The following RYR2 variants were observed in gnomAD, a reference collection of about 807,000 sequenced individuals.
RYR2 encodes cardiac muscle ryanodine receptor-calcium release channel.
RYR2 carries 227 observed loss-of-function variants against 601.1 expected under a neutral mutation model. The ratio of observed to expected loss-of-function variants is 0.38; its 90% CI spans 0.34 to 0.42. RYR2 has a LOEUF of 0.42. Ranked by LOEUF, RYR2 falls within the 10% of genes least tolerant of loss-of-function variation. The pLI is 1.00. For synonymous variants in RYR2, 2,223 were observed against 2,175.1 expected (o/e 1.02, Z -0.61); for missense variants, 4,646 against 6,156.5 (o/e 0.75, Z 8.21).
intron 17 of RYR2, among the ~76,000 whole-genome samples, chr1:237,473,824 A>G (rs1466175863): frequency 6.6e-6 from 1 of 151,460 alleles, no homozygotes; most frequent in African/African-American, 2.4e-5. Context: ...GACTCAACCG[A>G]CGGAGATACT....
intron 19 of RYR2, among the ~76,000 whole-genome samples, chr1:237,495,577 C>T (rs181190452): frequency 1.3e-5 from 2 of 152,258 alleles, no homozygotes; most frequent in East Asian, 1.9e-4. Context: ...ACAGACCTGC[C>T]GTTTATGAGT....
chr1:237,601,195 A>G (rs1265722280), intron 34 of RYR2, among the ~76,000 whole-genome samples: 5 of 152,140 alleles, frequency 3.3e-5, no homozygotes, highest in South Asian at 2.1e-4. Flanking sequence ...GTGCCCATCA[A>G]TGGATTAGTA....
chr1:237,614,615 G>C lies in RYR2; in HGVS notation c.5487G>C (p.Leu1829=). 1.9e-6 allele frequency: 3 copies of C among 1,613,990 alleles called. No individual in the cohort carries two copies. The highest frequency in any genetic ancestry group is 2.5e-6 in the Non-Finnish European group (3 of 1,179,894). The stretch of plus-strand genomic sequence containing the variant: ...TCATCAAGCTTTTCTATACCCTGCT[G>C]ATCATGGGCATCTTTCACAACGAGG... The part of the protein sequence containing the change: ...VPLIKLFYTL[L]IMGIFHNEDL... The change falls in exon 37 of 105, where the codon CTG becomes CTC. Residue 1829 remains leucine, a synonymous_variant. Coordinates refer to ENST00000366574, the MANE Select transcript of RYR2 (RefSeq NM_001035.3). This position sits in a 1 kb window ranked among gnomAD's most constrained non-coding sequence, Gnocchi z 4.3.
At chr1:237,338,819 G>A (rs1038972172) in intron 3 of RYR2, among the ~76,000 whole-genome samples, 8 of 152,162 alleles carry the variant, frequency 5.3e-5, no homozygotes, top group East Asian at 1.9e-4. Flanking sequence ...TTGTGTCCAC[G>A]CTAGTTGAGT....
At chr1:237,109,729 AAAAT>A (rs1485119558) in intron 1 of RYR2, among the ~76,000 whole-genome samples, 1 of 91,888 alleles carries the variant, frequency 1.1e-5, no homozygotes, top group African/African-American at 3.5e-5. Flanking sequence ...CTCAAAAAAA[AAAAT>A]AATAATAATA....
rs150558717 is a variant in RYR2 at position 237,244,411 on chromosome 1, G to A, written c.49-26086G>A. Among the ~76,000 whole-genome samples the A allele has an allele frequency of 1.4e-4, 21 of 152,150 alleles. No homozygotes were observed. In the South Asian group the frequency reaches 1.9e-3, roughly 14 times the overall value. ...CCCCAAATGGCATGTTCAGAATGGC[G>A]GCTCCATCTGCCCTTCTCTCTATCA... On this transcript the variant is annotated intron_variant, in intron 1 of 104. Coordinates refer to ENST00000366574, the MANE Select transcript of RYR2 (RefSeq NM_001035.3).
chr1:237,127,791 G>A (rs1367224424), intron 1 of RYR2, among the ~76,000 whole-genome samples: 2 of 151,952 alleles, frequency 1.3e-5, no homozygotes, highest in African/African-American at 4.8e-5. Flanking sequence ...ACAATGGGCG[G>A]CCGGGCAGAG....
At chr1:237,498,976 G>A (rs181507957) in intron 20 of RYR2, among the ~76,000 whole-genome samples, 96 of 152,044 alleles carry the variant, frequency 6.3e-4, no homozygotes, top group African/African-American at 2.1e-3. Context: ...TTTTAGATTC[G>A]TAATTAATGA....
At chr1:237,774,170 A>C (rs1345307308) in intron 87 of RYR2, among the ~76,000 whole-genome samples, 1 of 152,102 alleles carries the variant, frequency 6.6e-6, no homozygotes, top group African/African-American at 2.4e-5. Context: ...AGATTTTATA[A>C]AATTCTGGGT....
intron 31 of RYR2, among the ~76,000 whole-genome samples, chr1:237,591,445 G>A (rs931674820): frequency 7.9e-5 from 12 of 151,876 alleles, no homozygotes; most frequent in African/African-American, 2.9e-4. Flanking sequence ...TACTAAATCA[G>A]AGTTTCTCAG....
chr1:237,112,361 G>A (rs886637456), intron 1 of RYR2, among the ~76,000 whole-genome samples: 14 of 152,180 alleles, frequency 9.2e-5, no homozygotes, highest in East Asian at 1.9e-4. Context: ...TGATCCGCCC[G>A]CCTCGGCCTC....
At chr1:237,220,092 C>T (rs1013059738) in intron 1 of RYR2, among the ~76,000 whole-genome samples, 9 of 152,288 alleles carry the variant, frequency 5.9e-5, no homozygotes, top group African/African-American at 1.4e-4. Context: ...ACTGGATTGA[C>T]AGATGCCTGG....
intron 96 of RYR2, among the ~76,000 whole-genome samples, chr1:237,796,686 T>C (rs916552237): frequency 6.6e-6 from 1 of 152,050 alleles, no homozygotes; most frequent in Non-Finnish European, 1.5e-5. Context: ...TCACATTCTG[T>C]CTCCTTTTCT....
intron 1 of RYR2, among the ~76,000 whole-genome samples, chr1:237,091,431 GGGGGGC>G (rs2148462670): frequency 2.8e-5 from 4 of 140,770 alleles, no homozygotes; most frequent in African/African-American, 1.0e-4. Flanking sequence ...TTTTTTTTGG[GGGGGGC>G]GGGGGGGGAT....
intron 89 of RYR2, among the ~76,000 whole-genome samples, chr1:237,783,156 A>T (rs1695262223): frequency 6.6e-6 from 1 of 151,744 alleles, no homozygotes; most frequent in East Asian, 1.9e-4. Context: ...ATCTGGTCTG[A>T]AGACCTGGCA....
At chr1:237,320,041 T>A (rs1695482979) in intron 2 of RYR2, among the ~76,000 whole-genome samples, 1 of 152,098 alleles carries the variant, frequency 6.6e-6, no homozygotes, top group South Asian at 2.1e-4. Flanking sequence ...GAGATGGGAG[T>A]AGCCCAGGAA....
At chr1:237,268,829 G>C (rs1193675790) in intron 1 of RYR2, among the ~76,000 whole-genome samples, 1 of 148,650 alleles carries the variant, frequency 6.7e-6, no homozygotes, top group South Asian at 2.2e-4. Context: ...CCAGCTACTC[G>C]GGAGGCTGAG....
chr1:237,694,271 G>A (rs1020176354), intron 63 of RYR2, among the ~76,000 whole-genome samples: 1 of 148,546 alleles, frequency 6.7e-6, no homozygotes. Flanking sequence ...TCCAGCCTGG[G>A]CGACACGGCG....
At chr1:237,178,418 G>A (rs1331269456) in intron 1 of RYR2, among the ~76,000 whole-genome samples, 1 of 5,424 alleles carries the variant, frequency 1.8e-4, no homozygotes, top group African/African-American at 7.7e-4. Context: ...TTAAGGCTCT[G>A]TGTGTGTGTG....
Sources: gnomAD v4.1 joint callset for allele counts (sites outside exome capture counted in the v4.1 genomes callset) on GRCh38, gnomAD v4.1.1 for gene constraint, Gnocchi (gnomAD v3.1) non-coding constraint, MANE v1.5 for transcripts, NCBI Gene and HGNC (gene_info 2026-07-23, HGNC 2026-07-21) for gene names.